The following EBF3 variants were observed in gnomAD, a reference collection of about 807,000 sequenced individuals.
EBF3 encodes EBF transcription factor 3, also known as transcription factor COE3.
A neutral mutation model predicts 77.1 loss-of-function variants in EBF3; 18 were observed. The ratio of observed to expected loss-of-function variants is 0.23; its 90% confidence interval spans 0.16 to 0.35. EBF3 has a LOEUF of 0.35. EBF3 is among the 10% of genes least tolerant of loss of function. The probability of loss-of-function intolerance (pLI) is 1.00; values close to 1 mark genes in which losing one functional copy is unlikely to be tolerated. For missense variants in EBF3, 558 were observed against 860.0 expected, an observed-to-expected ratio of 0.65 and a Z score of 4.39; for synonymous variants, 350 against 343.5, an observed-to-expected ratio of 1.02 and a Z score of -0.21.
rs1317619821 is a variant in EBF3 at position 129,836,654 on chromosome 10, AAATGT to A, written c.*1284_*1288del. 1 of 152,434 alleles carries A rather than the reference AAATGT, an allele frequency of 6.6e-6. No homozygotes were observed. The highest frequency in any genetic ancestry group is 1.9e-4 in the East Asian group (1 of 5,204). 9.4% of individuals were successfully genotyped at this position (152,434 alleles called of 1,614,324 possible). A position where few individuals can be genotyped will look rare whatever the true frequency, so the allele number is the denominator to read the frequency against. ...TAGCATATTTTTTGAAGTACAAATG[AAATGT>A]AAAGACACTGGTTCAGCTTAACGAA... On this transcript the variant is annotated 3_prime_UTR_variant, in exon 17 of 17. Transcript: ENST00000440978.
chr10:129,909,275 G>A (rs571876884), intron 6 of EBF3, among the ~76,000 whole-genome samples: 1 of 152,308 alleles, frequency 6.6e-6, no homozygotes, highest in Non-Finnish European at 1.5e-5. Flanking sequence ...CAAATCCCAT[G>A]GCCATGAACA....
chr10:129,878,394 G>C (rs937174524), intron 6 of EBF3, among the ~76,000 whole-genome samples: 2 of 152,092 alleles, frequency 1.3e-5, no homozygotes, highest in African/African-American at 4.8e-5. Flanking sequence ...TGGGTTTTAA[G>C]AGTTACAGTA....
intron 10 of EBF3, among the ~76,000 whole-genome samples, chr10:129,850,174 T>C (rs1850765291): frequency 6.6e-6 from 1 of 152,258 alleles, no homozygotes; most frequent in Admixed American, 6.5e-5. Context: ...CTCCCCCAGC[T>C]AATCACCATG....
chr10:129,889,240 C>T (rs1853836583), intron 6 of EBF3, among the ~76,000 whole-genome samples: 1 of 152,252 alleles, frequency 6.6e-6, no homozygotes, highest in Non-Finnish European at 1.5e-5. Context: ...ACTGCCCTCC[C>T]GCTGGGGCAG....
chr10:129,884,801 G>A (rs1267091469), intron 6 of EBF3, among the ~76,000 whole-genome samples: 1 of 152,168 alleles, frequency 6.6e-6, no homozygotes, highest in African/African-American at 2.4e-5. Context: ...TCCACGGCTT[G>A]ACTTGCAGTT....
In EBF3 at chr10:129,935,283, T is replaced by G; in HGVS notation, c.554+21975A>C. Reference sequence around the variant, plus strand: ...GGCTGTCCCAGCACCCAGAGTGGAGTTGGGAACCAGGCTTGGATCTGCCCA... The same window carrying G: ...GGCTGTCCCAGCACCCAGAGTGGAGGTGGGAACCAGGCTTGGATCTGCCCA... On this transcript the variant is annotated intron_variant, in intron 6 of 16. Transcript: ENST00000440978. The surrounding 1 kb of genome is among the most constrained non-coding windows in gnomAD (Gnocchi z 4.2). Among the ~76,000 whole-genome samples the G allele has an allele frequency of 6.6e-6, 1 of 151,766 alleles. No individual in the cohort carries two copies. Among genetic ancestry groups the G allele is most frequent in the African/African-American group, 2.4e-5 (1 of 41,298 alleles).
At position 129,926,158 on chromosome 10, in the gene EBF3, C is replaced by T. The variant is rs140397562; in HGVS notation, c.554+31100G>A. Among the ~76,000 whole-genome samples the T allele has an allele frequency of 4.5e-4, 68 of 152,304 alleles. No individual in the cohort carries two copies. In the East Asian group the frequency reaches 0.011, roughly 25 times the overall value. ...TTCACTGCTTCCCGAGGTGCTGTGT[C>T]GCAGCCATTCATTCATTCATTCATT... On this transcript the variant is annotated intron_variant, in intron 6 of 16. Transcript: ENST00000440978.
intron 6 of EBF3, among the ~76,000 whole-genome samples, chr10:129,919,488 C>G (rs1260477981): frequency 6.6e-6 from 1 of 152,086 alleles, no homozygotes; most frequent in Non-Finnish European, 1.5e-5. Flanking sequence ...TAGCACAGGC[C>G]ACCTGTGCTG....
chr10:129,905,268 G>A (rs530598403), intron 6 of EBF3, among the ~76,000 whole-genome samples: 38 of 152,320 alleles, frequency 2.5e-4, no homozygotes, highest in Admixed American at 7.8e-4. Flanking sequence ...GGTAGGGGCC[G>A]GTCCTCATGG....
chr10:129,854,964 A>T (rs1310261911), intron 10 of EBF3, among the ~76,000 whole-genome samples: 1 of 152,084 alleles, frequency 6.6e-6, no homozygotes, highest in Non-Finnish European at 1.5e-5. Flanking sequence ...CCAGAGGCAA[A>T]CCTTGTGTTT....
intron 16 of EBF3, 115 bp from the exon 17 acceptor site, chr10:129,838,075 A>G (rs890453418): frequency 7.7e-6 from 10 of 1,294,420 alleles, no homozygotes; most frequent in Admixed American, 1.9e-5. Context: ...CTGGTCTTGC[A>G]CAGTTCCGTC....
rs1288207849 is a variant in EBF3, at chr10:129,842,862, C to A, written c.1194+275G>T. ...TCCCTGGTTCCCAGCGGCACCAACACCGTCCACCCGCCACTGCACACTGCA... is the reference window on the plus strand; with the variant it reads ...TCCCTGGTTCCCAGCGGCACCAACAACGTCCACCCGCCACTGCACACTGCA... On this transcript the variant is annotated intron_variant, in intron 12 of 16. Coordinates refer to ENST00000440978, the MANE Select transcript of EBF3 (RefSeq NM_001375380.1). This position sits in a 1 kb window ranked among gnomAD's most constrained non-coding sequence, Gnocchi z 4.4. 1.3e-5 allele frequency among the ~76,000 whole-genome samples: 2 copies of A among 152,060 alleles called. No individual in the cohort carries two copies. Among genetic ancestry groups the A allele is most frequent in the Non-Finnish European group, 2.9e-5 (2 of 68,004 alleles).
At chr10:129,877,897 AGACTC>A in intron 6 of EBF3, 48 bp from the exon 7 acceptor site, 11 of 1,490,978 alleles carry the variant, frequency 7.4e-6, no homozygotes, top group Non-Finnish European at 1.0e-5. Flanking sequence ...ATCAGACAAA[AGACTC>A]AAACTTTTTA....
chr10:129,848,116 T>C lies in EBF3; in HGVS notation c.1128+276A>G, dbSNP rs1850603478. Among the ~76,000 whole-genome samples, 1 of 152,236 alleles carries C rather than the reference T, an allele frequency of 6.6e-6. No individual in the cohort carries two copies. The highest frequency in any genetic ancestry group is 2.4e-5 in the African/African-American group (1 of 41,454). ...CCCTCACAGAATCCAAAATATTTGT[T>C]ATCAGAAAAGCTGTTCTTTGCTTCC... On this transcript the variant is annotated intron_variant, in intron 11 of 16. Coordinates refer to ENST00000440978, the MANE Select transcript of EBF3 (RefSeq NM_001375380.1). This position sits in a 1 kb window ranked among gnomAD's most constrained non-coding sequence, Gnocchi z 4.4.
chr10:129,950,051 G>A (rs2134562682), intron 6 of EBF3, among the ~76,000 whole-genome samples: 1 of 145,386 alleles, frequency 6.9e-6, no homozygotes, highest in African/African-American at 2.5e-5. Context: ...GGGGGCGGAG[G>A]CAGGGGCGGC....
chr10:129,883,100 G>C, intron 6 of EBF3, among the ~76,000 whole-genome samples: 1 of 152,338 alleles, frequency 6.6e-6, no homozygotes, highest in East Asian at 1.9e-4. Flanking sequence ...CAGCATCTCA[G>C]GAACCCTGTA....
chr10:129,963,621 C>A lies in EBF3; in HGVS notation c.134+14G>T. 7.4e-7 allele frequency: 1 copy of A among 1,359,190 alleles called. No homozygotes were observed. The highest frequency in any genetic ancestry group is 9.6e-7 in the Non-Finnish European group (1 of 1,037,588). 84.2% of individuals were successfully genotyped at this position (1,359,190 alleles called of 1,614,324 possible). A position where few individuals can be genotyped will look rare whatever the true frequency, so the allele number is the denominator to read the frequency against. ...GGGCCGGGGCCAGGGCGCGCGGGGG[C>A]GGCCGGTACGTACCTCTGGGCGGCC... On this transcript the variant is annotated intron_variant, in intron 1 of 16. Transcript: ENST00000440978. This position sits in a 1 kb window ranked among gnomAD's most constrained non-coding sequence, Gnocchi z 7.1.
At position 129,849,173 on chromosome 10, in the gene EBF3, C is replaced by T. The variant is rs77913802; in HGVS notation, c.1040-693G>A. On this transcript the variant is annotated intron_variant, in intron 10 of 16. Transcript: ENST00000440978. ...AGTGCATGAATCACGGCCGGGACTCCGTCCGACTGCACACACTGTGTTTAA... is the reference window on the plus strand; with the variant it reads ...AGTGCATGAATCACGGCCGGGACTCTGTCCGACTGCACACACTGTGTTTAA... Among the ~76,000 whole-genome samples, 503 of 152,302 alleles carry T rather than the reference C, an allele frequency of 3.3e-3. 7 individuals are homozygous for T. Among genetic ancestry groups the T allele is most frequent in the African/African-American group, 0.011 (477 of 41,568 alleles).
At chr10:129,867,973 G>T in intron 8 of EBF3, 61 bp from the exon 9 acceptor site, 1 of 1,586,018 alleles carries the variant, frequency 6.3e-7, no homozygotes, top group Non-Finnish European at 8.6e-7. Flanking sequence ...ACGCTGGGCC[G>T]CTCGGCCACC....
Sources: allele counts gnomAD v4.1 joint callset (sites outside exome capture counted in the v4.1 genomes callset), GRCh38; gene constraint gnomAD v4.1.1; non-coding constraint Gnocchi (gnomAD v3.1); transcripts MANE v1.5; gene names NCBI Gene and HGNC (gene_info 2026-07-23, HGNC 2026-07-21).